Variants in DNAH8 observed in about 807,000 individuals in gnomAD.
DNAH8 encodes the protein dynein axonemal heavy chain 8.
Under a neutral mutation model 562.1 loss-of-function variants are expected in DNAH8, and 382 were observed. The ratio of observed to expected loss-of-function variants is 0.68; its 90% CI spans 0.63 to 0.74. The LOEUF (loss-of-function observed/expected upper bound fraction) is 0.74. DNAH8 is among the 30% of genes least tolerant of loss of function. The probability of loss-of-function intolerance (pLI) is 0.00; values close to 1 mark genes in which losing one functional copy is unlikely to be tolerated. For missense variants in DNAH8, 5,203 were observed against 5,620.4 expected (o/e 0.93, Z 2.37); for synonymous variants, 1,881 against 1,919.4 (o/e 0.98, Z 0.52).
At chr6:39,000,495 G>A (rs1036970103) in intron 88 of DNAH8, among the ~76,000 whole-genome samples, 7 of 152,192 alleles carry the variant, frequency 4.6e-5, no homozygotes, top group African/African-American at 1.4e-4. Flanking sequence ...CTTCCCGTCA[G>A]ATCAGTGGCG....
intron 13 of DNAH8, among the ~76,000 whole-genome samples, chr6:38,776,406 CAG>C (rs1167587160): frequency 1.3e-5 from 2 of 152,040 alleles, no homozygotes; most frequent in Admixed American, 1.3e-4. Flanking sequence ...TTAGTAGAGA[CAG>C]GGTTTCGCCA....
intron 83 of DNAH8, among the ~76,000 whole-genome samples, chr6:38,973,001 A>T (rs1407794090): frequency 6.6e-6 from 1 of 152,216 alleles, no homozygotes; most frequent in Non-Finnish European, 1.5e-5. Flanking sequence ...GTAGTTCAAG[A>T]TAGCTGATTC....
chr6:38,925,662 C>T (rs770840708), intron 73 of DNAH8, among the ~76,000 whole-genome samples: 1 of 152,114 alleles, frequency 6.6e-6, no homozygotes, highest in Non-Finnish European at 1.5e-5. Context: ...AACCAAAGGG[C>T]CGGAAGGGGA....
chr6:38,955,902 T>C (rs1762213932), intron 82 of DNAH8, among the ~76,000 whole-genome samples: 1 of 152,198 alleles, frequency 6.6e-6, no homozygotes, highest in South Asian at 2.1e-4. Context: ...GATCTGCCAA[T>C]TGTGCTTCCA....
chr6:38,761,461 T>G (rs1222397411), intron 10 of DNAH8, among the ~76,000 whole-genome samples: 1 of 151,384 alleles, frequency 6.6e-6, no homozygotes, highest in African/African-American at 2.4e-5. Flanking sequence ...AATGTTATTA[T>G]TATTATTTTT....
chr6:38,995,831 CCT>C (rs1225812938), intron 88 of DNAH8, among the ~76,000 whole-genome samples: 2 of 152,198 alleles, frequency 1.3e-5, no homozygotes, highest in African/African-American at 4.8e-5. Flanking sequence ...CACTCTCGTG[CCT>C]CTCCTAAAGG....
chr6:38,823,821 G>C (rs1773085952), intron 28 of DNAH8, 133 bp downstream of exon 28: 4 of 468,828 alleles, frequency 8.5e-6, no homozygotes, highest in African/African-American at 2.0e-5. Flanking sequence ...ATATACCAAG[G>C]TTATAATAAT....
intron 89 of DNAH8, among the ~76,000 whole-genome samples, chr6:39,010,736 A>G (rs903245982): frequency 1.3e-4 from 19 of 151,200 alleles, no homozygotes; most frequent in African/African-American, 4.6e-4. Flanking sequence ...AGATGGATTG[A>G]TTTAAAGGGA....
chr6:38,997,464 G>T (rs71571356), intron 88 of DNAH8, among the ~76,000 whole-genome samples: 21,070 of 152,166 alleles, frequency 0.14, 1,670 homozygotes, highest in Middle Eastern at 0.2. Context: ...GGGAGCTGGG[G>T]TAGTGGAGGA....
chr6:38,741,982 C>T (rs1037700995), intron 8 of DNAH8, 95 bp downstream of exon 8: 23 of 1,038,512 alleles, frequency 2.2e-5, no homozygotes, highest in East Asian at 1.3e-4. Context: ...ATACTGGAAT[C>T]GTGTTTAGAA....
intron 82 of DNAH8, among the ~76,000 whole-genome samples, chr6:38,957,475 A>C (rs6903197): frequency 6.6e-6 from 1 of 151,570 alleles, no homozygotes; most frequent in Non-Finnish European, 1.5e-5. Flanking sequence ...TCTAAATCAA[A>C]TGGACCTAAC....
chr6:39,030,298 A>G lies in DNAH8; in HGVS notation c.14030A>G (p.Asp4677Gly), dbSNP rs1767585726. ...ATTTACAAGAAACCCAGGCGAACTG[A>G]TTTGACCTTCATCACTGTGGTATAT... The part of the protein sequence containing the change: ...CPIYKKPRRT[D>G]LTFITVVYLR... The change falls in exon 93 of 93, where the codon GAT becomes GGT. Residue 4677 changes from aspartate (D) to glycine (G), a missense_variant. Physicochemically the swap from Asp to Gly is moderately conservative, Grantham distance 94. This residue lies in a region of DNAH8 where 1,399 missense variants were observed against 1,518.4 expected (regional missense o/e 0.92). Coordinates refer to ENST00000327475, the MANE Select transcript of DNAH8 (RefSeq NM_001206927.2). 8.7e-6 allele frequency: 14 copies of G among 1,614,154 alleles called. No homozygotes were observed. Among genetic ancestry groups the G allele is most frequent in the Non-Finnish European group, 1.2e-5 (14 of 1,180,022 alleles).
chr6:38,867,148 G>T (rs1029229115), intron 47 of DNAH8, among the ~76,000 whole-genome samples: 2 of 151,992 alleles, frequency 1.3e-5, no homozygotes, highest in African/African-American at 2.4e-5. Context: ...TAACTGTAGC[G>T]CAATAACAAA....
At chr6:38,806,426 C>T (rs971903062) in intron 23 of DNAH8, among the ~76,000 whole-genome samples, 1 of 152,122 alleles carries the variant, frequency 6.6e-6, no homozygotes, top group African/African-American at 2.4e-5. Flanking sequence ...TACCATGCAC[C>T]AGGCAGCTGT....
intron 88 of DNAH8, among the ~76,000 whole-genome samples, chr6:39,005,625 C>G (rs1765749408): frequency 2.6e-5 from 4 of 152,066 alleles, no homozygotes; most frequent in Admixed American, 2.0e-4. Flanking sequence ...TGCTTATTGA[C>G]CCATCTGTAT....
chr6:39,013,956 C>G (rs1246186366), intron 91 of DNAH8, among the ~76,000 whole-genome samples: 1 of 152,122 alleles, frequency 6.6e-6, no homozygotes, highest in Non-Finnish European at 1.5e-5. Flanking sequence ...GGTTATGTGG[C>G]TGAATTCCCT....
chr6:38,828,896 T>A (rs1773594754), intron 30 of DNAH8, among the ~76,000 whole-genome samples: 1 of 152,202 alleles, frequency 6.6e-6, no homozygotes, highest in Admixed American at 6.5e-5. Flanking sequence ...TGATTCTCTC[T>A]CTTGCCCCAG....
chr6:38,892,906 C>T (rs1349550159), intron 58 of DNAH8, among the ~76,000 whole-genome samples: 1 of 152,194 alleles, frequency 6.6e-6, no homozygotes, highest in Non-Finnish European at 1.5e-5. Flanking sequence ...TCATTCTCAT[C>T]ACTCTTACCT....
intron 4 of DNAH8, among the ~76,000 whole-genome samples, chr6:38,733,164 T>C (rs1627709): frequency 0.25 from 38,089 of 152,028 alleles, 5,739 homozygotes; most frequent in Non-Finnish European, 0.34. Flanking sequence ...AGTGCTGGGA[T>C]TATAGGTGTG....
Sources: allele counts gnomAD v4.1 joint callset (sites outside exome capture counted in the v4.1 genomes callset), GRCh38; gene constraint gnomAD v4.1.1; regional missense constraint gnomAD v4.1.1; transcripts MANE v1.5; gene names NCBI Gene and HGNC (gene_info 2026-07-23, HGNC 2026-07-21).